KIF26B: variants seen among roughly 807,000 people sequenced by gnomAD.
KIF26B encodes the protein kinesin family member 26B, also known as kinesin-like protein KIF26B.
Under a neutral mutation model 151.2 loss-of-function variants are expected in KIF26B, and 63 were observed. The ratio of observed to expected loss-of-function variants is 0.42; its 90% confidence interval spans 0.34 to 0.51. KIF26B has a LOEUF of 0.51. Among genes scored for constraint, KIF26B ranks in the 20% least tolerant of loss-of-function variants. The pLI is 0.07. For synonymous variants in KIF26B, 1,357 were observed against 1,262.1 expected (o/e 1.08, Z -1.59); for missense variants, 2,813 against 2,913.6 (o/e 0.97, Z 0.79).
intron 2 of KIF26B, among the ~76,000 whole-genome samples, chr1:245,261,470 TC>T (rs1282138478): frequency 4.8e-4 from 5 of 10,498 alleles, no homozygotes; most frequent in South Asian, 5.3e-3. Context: ...TCTTTCTTTC[TC>T]TCTCTCTCTC....
At chr1:245,694,548 G>A (rs558017242) in intron 12 of KIF26B, among the ~76,000 whole-genome samples, 1 of 152,342 alleles carries the variant, frequency 6.6e-6, no homozygotes, top group Non-Finnish European at 1.5e-5. Flanking sequence ...GCAGACTCGT[G>A]TGGGGACTTC....
At chr1:245,225,516 A>ATTCCTCCT (rs1669856380) in intron 2 of KIF26B, among the ~76,000 whole-genome samples, 1 of 152,170 alleles carries the variant, frequency 6.6e-6, no homozygotes, top group African/African-American at 2.4e-5. Flanking sequence ...AAGAGGAATG[A>ATTCCTCCT]GCCTATTGCT....
chr1:245,515,108 A>T (rs946021936), intron 4 of KIF26B, among the ~76,000 whole-genome samples: 1 of 152,122 alleles, frequency 6.6e-6, no homozygotes, highest in African/African-American at 2.4e-5. Context: ...CATTTGAGTG[A>T]TCTTAAGAAA....
In KIF26B at chr1:245,687,805, C is replaced by A; in HGVS notation, c.4822C>A (p.Gln1608Lys). The A allele has an allele frequency of 6.3e-7, 1 of 1,593,554 alleles. No individual in the cohort carries two copies. Among genetic ancestry groups the A allele is most frequent in the Non-Finnish European group, 8.5e-7 (1 of 1,170,686 alleles). The change falls in exon 12 of 15, where the codon CAG becomes AAG. Residue 1608 changes from glutamine (Q) to lysine (K), a missense_variant. Gln to Lys is a moderately conservative substitution (Grantham distance 53). Coordinates refer to ENST00000407071, the MANE Select transcript of KIF26B (RefSeq NM_018012.4). The surrounding 1 kb of genome is among the most constrained non-coding windows in gnomAD (Gnocchi z 4.9). ...CCCTGTCCGAAAGTCCAGCCTGGAC[C>A]AGAAGAACCGGGCCAGCCCTCAGCA... ...LPPVRKSSLD[Q>K]KNRASPQHSA...
intron 10 of KIF26B, among the ~76,000 whole-genome samples, chr1:245,647,131 A>T (rs2043956273): frequency 6.6e-6 from 1 of 152,202 alleles, no homozygotes; most frequent in African/African-American, 2.4e-5. Flanking sequence ...AACATGTATA[A>T]AAGTTTATTG....
At chr1:245,541,409 G>A (rs950072831) in intron 5 of KIF26B, among the ~76,000 whole-genome samples, 10 of 152,194 alleles carry the variant, frequency 6.6e-5, no homozygotes, top group South Asian at 2.1e-4. Context: ...TGTGAGGAAC[G>A]CTGCAGTCTT....
At chr1:245,522,157 C>T (rs1430141278) in intron 4 of KIF26B, among the ~76,000 whole-genome samples, 5 of 152,180 alleles carry the variant, frequency 3.3e-5, no homozygotes, top group African/African-American at 4.8e-5. Context: ...GTGTGAGCCA[C>T]CGCGCCCGGC....
intron 4 of KIF26B, among the ~76,000 whole-genome samples, chr1:245,431,949 T>C (rs1470563199): frequency 2.0e-5 from 3 of 152,176 alleles, no homozygotes; most frequent in Non-Finnish European, 4.4e-5. Flanking sequence ...TCTAGGCATA[T>C]TGACCTCCTT....
At chr1:245,671,786 G>A (rs2044289770) in intron 10 of KIF26B, among the ~76,000 whole-genome samples, 1 of 152,200 alleles carries the variant, frequency 6.6e-6, no homozygotes, top group Non-Finnish European at 1.5e-5. Context: ...GATTTGAGCA[G>A]GACATGAAAC....
intron 4 of KIF26B, among the ~76,000 whole-genome samples, chr1:245,508,329 C>T (rs1027531621): frequency 3.9e-5 from 6 of 152,316 alleles, no homozygotes; most frequent in African/African-American, 1.4e-4. Context: ...CAAGCTCCGC[C>T]TCCTGGGTTC....
In KIF26B at chr1:245,620,450, A is replaced by C. The variant is rs2043645683; in HGVS notation, c.2098+8474A>C. Among the ~76,000 whole-genome samples, 3 of 152,294 alleles carry C rather than the reference A, an allele frequency of 2.0e-5. No homozygotes were observed. The South Asian group carries it at 6.2e-4, about 32-fold the overall frequency. The stretch of plus-strand genomic sequence containing the variant: ...GGTCTCACTCTGTCACCCAGGCTGA[A>C]GTGCAGTGGCGCTATCTTGGCTCAC... On this transcript the variant is annotated intron_variant, in intron 9 of 14. Transcript: ENST00000407071.
Position 245,688,813 on chromosome 1 carries a change from C to T in KIF26B, c.5824+6C>T, listed in dbSNP as rs570080268. On this transcript the variant is annotated splice_donor_region_variant and intron_variant, in intron 12 of 14. Coordinates refer to ENST00000407071, the MANE Select transcript of KIF26B (RefSeq NM_018012.4). ...GAAGAAACGCTCCAATCCAGGTAGG[C>T]GGCTGGGCGCAGGGACGCGGGTGAG... The T allele has an allele frequency of 7.0e-6, 11 of 1,562,456 alleles. No homozygotes were observed. Among genetic ancestry groups the T allele is most frequent in the Non-Finnish European group, 9.6e-6 (11 of 1,151,244 alleles).
intron 2 of KIF26B, among the ~76,000 whole-genome samples, chr1:245,187,144 T>C (rs1397744899): frequency 1.3e-5 from 2 of 152,318 alleles, no homozygotes; most frequent in East Asian, 3.9e-4. Context: ...TGTGAGCCAC[T>C]GCACTCAGCC....
At chr1:245,189,610 G>T (rs1669060148) in intron 2 of KIF26B, among the ~76,000 whole-genome samples, 2 of 152,094 alleles carry the variant, frequency 1.3e-5, no homozygotes, top group African/African-American at 4.8e-5. Flanking sequence ...TTTCTCAAGG[G>T]GCTCCTAAAT....
chr1:245,211,521 T>A (rs1327152608), intron 2 of KIF26B, among the ~76,000 whole-genome samples: 1 of 151,986 alleles, frequency 6.6e-6, no homozygotes, highest in Non-Finnish European at 1.5e-5. Flanking sequence ...CCTCAGCCTC[T>A]CAAGGAGCTG....
intron 2 of KIF26B, among the ~76,000 whole-genome samples, chr1:245,233,548 G>T (rs1024765073): frequency 6.6e-6 from 1 of 152,084 alleles, no homozygotes; most frequent in Non-Finnish European, 1.5e-5. Flanking sequence ...CAGGTGACTT[G>T]TATGTACATA....
intron 9 of KIF26B, among the ~76,000 whole-genome samples, chr1:245,639,905 A>T (rs2043870638): frequency 6.6e-6 from 1 of 151,580 alleles, no homozygotes; most frequent in South Asian, 2.1e-4. Flanking sequence ...AGAATGTTCC[A>T]TGTACTGATG....
intron 2 of KIF26B, among the ~76,000 whole-genome samples, chr1:245,328,250 G>T (rs113839913): frequency 8.4e-4 from 128 of 151,576 alleles, no homozygotes; most frequent in African/African-American, 2.9e-3. Context: ...ATTTTGCAGG[G>T]GGGAGGGGGG....
chr1:245,599,888 G>A (rs904821110), intron 5 of KIF26B, among the ~76,000 whole-genome samples: 3 of 152,096 alleles, frequency 2.0e-5, no homozygotes, highest in Non-Finnish European at 4.4e-5. Flanking sequence ...TGTATGTAGC[G>A]GCTGTGTGGG....
Sources: gnomAD v4.1 joint callset for allele counts (sites outside exome capture counted in the v4.1 genomes callset) on GRCh38, gnomAD v4.1.1 for gene constraint, Gnocchi (gnomAD v3.1) non-coding constraint, MANE v1.5 for transcripts, NCBI Gene and HGNC (gene_info 2026-07-23, HGNC 2026-07-21) for gene names.